Variants in FETUB observed in about 807,000 individuals in gnomAD.
The protein encoded by FETUB is fetuin B.
A neutral mutation model predicts 30.9 loss-of-function variants in FETUB; 28 were observed. That is an observed-to-expected ratio of 0.90 (90% CI 0.67 to 1.24). The LOEUF is 1.24. Among genes scored for constraint, FETUB ranks in the 50% most tolerant of loss-of-function variants. The pLI, the probability that FETUB is intolerant of heterozygous loss-of-function variation, is 0.00. For synonymous variants in FETUB, 186 were observed against 175.9 expected (o/e 1.06, Z -0.45); for missense variants, 469 against 455.3 (o/e 1.03, Z -0.27).
At chr3:186,636,770 G>T (rs113096324), upstream of FETUB, among the ~76,000 whole-genome samples, 2 of 152,180 alleles carry the variant, frequency 1.3e-5, no homozygotes, top group Non-Finnish European at 2.9e-5. Context: ...AGTAAACGAC[G>T]TGATTTACAG....
upstream of FETUB, among the ~76,000 whole-genome samples, chr3:186,639,917 C>T (rs766710981): frequency 3.9e-5 from 6 of 152,150 alleles, no homozygotes; most frequent in Non-Finnish European, 8.8e-5. Context: ...ACCCAGATGG[C>T]CAAAGTGCTT....
At chr3:186,648,435 ATTTTG>A (rs1464594445) in intron 5 of FETUB, among the ~76,000 whole-genome samples, 1 of 152,116 alleles carries the variant, frequency 6.6e-6, no homozygotes, top group Non-Finnish European at 1.5e-5. Context: ...AAATCCTCCT[ATTTTG>A]TTCTTCTTGT....
At position 186,652,620 on chromosome 3, in the gene FETUB, C is replaced by G; in HGVS notation, c.1138C>G (p.Leu380Val). 1 of 1,604,276 alleles carries G rather than the reference C, an allele frequency of 6.2e-7. No homozygotes were observed. The highest frequency in any genetic ancestry group is 8.5e-7 in the Non-Finnish European group (1 of 1,176,606). Residue 380 changes from leucine to valine, a missense_variant, in exon 7 of 7, where the codon CTT (leucine) becomes GTT (valine). By Grantham distance (32) the Leu-to-Val change is conservative. Coordinates refer to ENST00000265029, the MANE Select transcript of FETUB (RefSeq NM_014375.3). ...AGCCCAGAATGCCAGCCCTCTTGTCCTTCCGCCATGAGAATCACACAGAGT... is the reference window on the plus strand; with the variant it reads ...AGCCCAGAATGCCAGCCCTCTTGTCGTTCCGCCATGAGAATCACACAGAGT... ...GPAQNASPLV[L>V]PP
Position 186,652,399 on chromosome 3 carries a change from ATCT to A in FETUB, c.920_922del (p.Leu307del). 3.1e-6 allele frequency: 5 copies of A among 1,608,334 alleles called. No homozygotes were observed. Among genetic ancestry groups the A allele is most frequent in the Non-Finnish European group, 4.2e-6 (5 of 1,176,860 alleles). On this transcript the variant is annotated inframe_deletion, in exon 7 of 7. Transcript: ENST00000265029. ...GCTGGGCCAAGAGGATCTGTCCAAT[ATCT>A]TCCTGACTTGGATGATAAAAATTCC... is the stretch of plus-strand genomic sequence containing the variant.
At position 186,641,054 on chromosome 3, in the gene FETUB, C is replaced by CT. The variant is rs754948939; in HGVS notation, c.252dup (p.Thr85TyrfsTer8). 1.2e-6 allele frequency: 2 copies of CT among 1,613,624 alleles called. No homozygotes were observed. The highest frequency in any genetic ancestry group is 2.2e-5 in the South Asian group (2 of 91,064). On this transcript the variant is annotated frameshift_variant, in exon 2 of 7. Coordinates refer to ENST00000265029, the MANE Select transcript of FETUB (RefSeq NM_014375.3). LOFTEE classifies it high-confidence loss of function. ...GGGTGGCCTGGGATCTCTGTTCTAT[C>CT]TTACACTGGATGTGCTAGAGACTGA...
intron 5 of FETUB, among the ~76,000 whole-genome samples, chr3:186,647,724 AT>A (rs1303758696): frequency 3.9e-5 from 6 of 152,126 alleles, no homozygotes; most frequent in Non-Finnish European, 7.4e-5. Context: ...GTCTTTACAT[AT>A]TCTAGATACA....
chr3:186,645,830 G>A (rs1023261476), intron 4 of FETUB, among the ~76,000 whole-genome samples: 3 of 148,692 alleles, frequency 2.0e-5, no homozygotes, highest in African/African-American at 5.0e-5. Context: ...TGGTTCAAGG[G>A]ATTCTCCTGC....
chr3:186,638,211 T>C (rs1716831881), upstream of FETUB, among the ~76,000 whole-genome samples: 1 of 152,216 alleles, frequency 6.6e-6, no homozygotes, highest in South Asian at 2.1e-4. Context: ...CAACAAAACC[T>C]AGATTGATCT....
At chr3:186,637,071 T>A (rs1716797257), upstream of FETUB, among the ~76,000 whole-genome samples, 1 of 152,188 alleles carries the variant, frequency 6.6e-6, no homozygotes, top group South Asian at 2.1e-4. Context: ...TTCCTCAGCC[T>A]CCTTATCTGT....
rs1240284661 is a variant in FETUB at position 186,652,563 on chromosome 3, G to C, written c.1081G>C (p.Glu361Gln). Residue 361 changes from glutamate to glutamine, a missense_variant, in exon 7 of 7, where the codon GAA becomes CAA. Glu to Gln is a conservative substitution (Grantham distance 29). Transcript: ENST00000265029. ...EKLVVLPFPK[E>Q]KARTAECPGP... is the part of the protein sequence containing the mutation. ...GCTGGTGGTCCTGCCTTTCCCCAAA[G>C]AAAAAGCACGCACTGCTGAGTGCCC... 1.9e-6 allele frequency: 3 copies of C among 1,613,674 alleles called. No individual in the cohort carries two copies. The African/African-American group carries it at 4.0e-5, about 22-fold the overall frequency.
chr3:186,643,360 G>A (rs1717228848), intron 3 of FETUB, among the ~76,000 whole-genome samples: 1 of 152,128 alleles, frequency 6.6e-6, no homozygotes, highest in African/African-American at 2.4e-5. Context: ...GAAGGTCTTT[G>A]GAAAGAGAGC....
upstream of FETUB, among the ~76,000 whole-genome samples, chr3:186,636,397 A>G (rs912112511): frequency 6.6e-6 from 1 of 152,212 alleles, no homozygotes; most frequent in African/African-American, 2.4e-5. Flanking sequence ...GAATGTGAGA[A>G]ACACATCCTT....
chr3:186,649,286 T>C (rs1196125686), intron 5 of FETUB, among the ~76,000 whole-genome samples: 1 of 152,134 alleles, frequency 6.6e-6, no homozygotes, highest in Non-Finnish European at 1.5e-5. Flanking sequence ...TTTCATATGC[T>C]CTGGAGCTGA....
intron 4 of FETUB, among the ~76,000 whole-genome samples, chr3:186,645,889 G>A (rs1463953667): frequency 1.3e-5 from 2 of 151,846 alleles, no homozygotes; most frequent in East Asian, 3.9e-4. Flanking sequence ...ACCATGCCCA[G>A]CTAATTTTTG....
At chr3:186,640,217 G>A (rs1386382664), upstream of FETUB, 3 of 536,178 alleles carry the variant, frequency 5.6e-6, no homozygotes, top group African/African-American at 1.9e-5. Flanking sequence ...AAACAGTTGG[G>A]AAACTTAAAT....
intron 6 of FETUB, 55 bp downstream of exon 6, chr3:186,651,356 G>A: frequency 8.8e-7 from 1 of 1,137,932 alleles, no homozygotes; most frequent in Non-Finnish European, 1.3e-6. Context: ...ATTATCGATA[G>A]TTACCTGCCA....
At chr3:186,639,660 A>G (rs984104740), upstream of FETUB, among the ~76,000 whole-genome samples, 5 of 149,964 alleles carry the variant, frequency 3.3e-5, no homozygotes, top group Middle Eastern at 6.9e-3. Context: ...GAAGCTAAAA[A>G]AAAAAAAAAA....
chr3:186,645,005 G>C (rs1717385891), intron 4 of FETUB, 85 bp downstream of exon 4: 6 of 1,146,338 alleles, frequency 5.2e-6, no homozygotes, highest in Non-Finnish European at 7.4e-6. Context: ...AAAATGTCAA[G>C]GCACTCATTT....
At position 186,652,797 on chromosome 3, in the gene FETUB, T is replaced by C; in HGVS notation, c.*166T>C. 1 of 798,878 alleles carries C rather than the reference T, an allele frequency of 1.3e-6. No individual in the cohort carries two copies. Among genetic ancestry groups the C allele is most frequent in the Non-Finnish European group, 1.9e-6 (1 of 523,928 alleles). 49.5% of individuals were successfully genotyped at this position (798,878 alleles called of 1,614,324 possible). ...TGACTGGGATTGGAAATAATGAGAC[T>C]GAGCCCTCGGCTTGGGCTGCACTCT... On this transcript the variant is annotated 3_prime_UTR_variant, in exon 7 of 7. Transcript: ENST00000265029.
Sources: gnomAD v4.1 joint callset for allele counts (sites outside exome capture counted in the v4.1 genomes callset) on GRCh38, gnomAD v4.1.1 for gene constraint, MANE v1.5 for transcripts, NCBI Gene and HGNC (gene_info 2026-07-23, HGNC 2026-07-21) for gene names.